The following SIPA1L1 variants were observed in gnomAD, a reference collection of about 807,000 sequenced individuals.
The protein encoded by SIPA1L1 is signal-induced proliferation-associated 1-like protein 1.
In SIPA1L1, 26 loss-of-function variants were observed where a neutral mutation model predicts 162.7. That is an observed-to-expected ratio of 0.16 (90% CI 0.12 to 0.22). The LOEUF (loss-of-function observed/expected upper bound fraction) is 0.22, where lower values mean the gene tolerates loss of function less well. SIPA1L1 is among the 10% of genes least tolerant of loss of function. The pLI, the probability that SIPA1L1 is intolerant of heterozygous loss-of-function variation, is 1.00. For missense variants in SIPA1L1, 1,874 were observed against 2,241.0 expected (o/e 0.84, Z 3.31); for synonymous variants, 829 against 837.4 (o/e 0.99, Z 0.17).
At chr14:71,630,307 C>T (rs140110974) in intron 7 of SIPA1L1, among the ~76,000 whole-genome samples, 4 of 152,228 alleles carry the variant, frequency 2.6e-5, no homozygotes, top group African/African-American at 9.6e-5. Context: ...TAGTGATCAC[C>T]CTGTGCTGGC....
chr14:71,376,694 T>A (rs2039402215), intron 2 of SIPA1L1, among the ~76,000 whole-genome samples: 2 of 152,056 alleles, frequency 1.3e-5, no homozygotes, highest in Non-Finnish European at 2.9e-5. Context: ...CTGGTTTTCC[T>A]AGGCAGAGGA....
At chr14:71,483,210 C>T (rs990475343) in intron 2 of SIPA1L1, among the ~76,000 whole-genome samples, 2 of 152,176 alleles carry the variant, frequency 1.3e-5, no homozygotes, top group Non-Finnish European at 2.9e-5. Context: ...AGTTTACCCA[C>T]ACCATGCAGA....
intron 2 of SIPA1L1, among the ~76,000 whole-genome samples, chr14:71,342,266 A>G (rs2035736146): frequency 6.6e-6 from 1 of 152,018 alleles, no homozygotes; most frequent in Non-Finnish European, 1.5e-5. Context: ...TTTGGGGGCC[A>G]TTTTTTGTCC....
Position 71,724,645 on chromosome 14 carries a change from A to G in SIPA1L1, c.4449-25A>G, listed in dbSNP as rs200279832. 8 of 1,602,836 alleles carry G rather than the reference A, an allele frequency of 5.0e-6. 1 individual carries two copies. Among genetic ancestry groups the G allele is most frequent in the Admixed American group, 3.5e-5 (2 of 57,668 alleles). ...AGCCAGCCTTGTTGAGTTGGTATCT[A>G]TCATCTCTTCCCTTTTTTGTCCAGG... On this transcript the variant is annotated intron_variant, in intron 18 of 23. Coordinates refer to ENST00000381232, the MANE Select transcript of SIPA1L1 (RefSeq NM_001386936.1).
intron 4 of SIPA1L1, chr14:71,573,474 C>G: frequency 2.3e-6 from 1 of 440,772 alleles, no homozygotes. Context: ...GTTTGATTGT[C>G]TTTTGGGAAC....
At chr14:71,651,131 C>T (rs773887569) in intron 8 of SIPA1L1, among the ~76,000 whole-genome samples, 1 of 152,158 alleles carries the variant, frequency 6.6e-6, no homozygotes, top group Non-Finnish European at 1.5e-5. Flanking sequence ...TGTCCAGTCC[C>T]CAAGTTGTCA....
chr14:71,673,589 A>G (rs767452478), intron 12 of SIPA1L1, among the ~76,000 whole-genome samples: 5 of 151,606 alleles, frequency 3.3e-5, no homozygotes, highest in African/African-American at 4.8e-5. Flanking sequence ...GCAAATATAT[A>G]TGTGTGTGTG....
chr14:71,423,482 C>T (rs2043335974), intron 2 of SIPA1L1, among the ~76,000 whole-genome samples: 1 of 152,074 alleles, frequency 6.6e-6, no homozygotes, highest in Non-Finnish European at 1.5e-5. Flanking sequence ...GTTTTTCATT[C>T]ATTTGAGTTA....
intron 3 of SIPA1L1, among the ~76,000 whole-genome samples, chr14:71,513,584 C>T (rs989943877): frequency 2.6e-5 from 4 of 151,950 alleles, no homozygotes; most frequent in Admixed American, 1.3e-4. Context: ...AATTCGTGGG[C>T]TTAAGGGATT....
intron 2 of SIPA1L1, among the ~76,000 whole-genome samples, chr14:71,439,936 A>G (rs1595470699): frequency 6.6e-6 from 1 of 152,192 alleles, no homozygotes; most frequent in African/African-American, 2.4e-5. Flanking sequence ...CTATTAACTC[A>G]TTTAATTCCT....
chr14:71,509,060 C>T (rs1041174790), intron 2 of SIPA1L1, among the ~76,000 whole-genome samples: 4 of 152,132 alleles, frequency 2.6e-5, no homozygotes, highest in African/African-American at 9.7e-5. Flanking sequence ...GTTAGTTATT[C>T]CTGGATTCTG....
At chr14:71,464,544 G>A (rs1339355795) in intron 2 of SIPA1L1, among the ~76,000 whole-genome samples, 1 of 152,100 alleles carries the variant, frequency 6.6e-6, no homozygotes, top group Non-Finnish European at 1.5e-5. Flanking sequence ...AGGAGGCTAA[G>A]GCAGGAGAAT....
intron 2 of SIPA1L1, among the ~76,000 whole-genome samples, chr14:71,489,471 G>A (rs1464291620): frequency 6.6e-6 from 1 of 152,096 alleles, no homozygotes; most frequent in Admixed American, 6.5e-5. Flanking sequence ...GTTTGACTAG[G>A]AAAGGTTAGA....
chr14:71,738,658 A>G (rs1566773895), intron 23 of SIPA1L1, among the ~76,000 whole-genome samples: 2 of 152,208 alleles, frequency 1.3e-5, no homozygotes, highest in Non-Finnish European at 1.5e-5. Context: ...TTTTGCACCA[A>G]AAGAACTGAA....
chr14:71,590,044 A>AAAT (rs1555468763), intron 5 of SIPA1L1, among the ~76,000 whole-genome samples: 13 of 59,586 alleles, frequency 2.2e-4, no homozygotes, highest in Non-Finnish European at 3.5e-4. Context: ...AAAAAAAAAA[A>AAAT]ATATATATAT....
At chr14:71,364,754 T>G (rs923741718) in intron 2 of SIPA1L1, among the ~76,000 whole-genome samples, 1 of 152,118 alleles carries the variant, frequency 6.6e-6, no homozygotes, top group African/African-American at 2.4e-5. Context: ...ATCAATTTTT[T>G]TTTTTTTTTG....
At chr14:71,684,966 G>T (rs907639053) in intron 12 of SIPA1L1, among the ~76,000 whole-genome samples, 3 of 151,500 alleles carry the variant, frequency 2.0e-5, no homozygotes, top group Non-Finnish European at 4.4e-5. Flanking sequence ...GAACCCAGTT[G>T]TGGTGTGCAG....
chr14:71,462,203 C>T (rs957265288), intron 2 of SIPA1L1, among the ~76,000 whole-genome samples: 1 of 152,194 alleles, frequency 6.6e-6, no homozygotes, highest in African/African-American at 2.4e-5. Context: ...AGAGCTGTCT[C>T]TCAAAAGGAG....
At position 71,443,070 on chromosome 14, in the gene SIPA1L1, G is replaced by A. The variant is rs542413074; in HGVS notation, c.-464-69673G>A. ...ATTGGAATATCATTTAGAAACCTCT[G>A]GACATAATTCATGTTGGAACCAGTT... On this transcript the variant is annotated intron_variant, in intron 2 of 23. Transcript: ENST00000381232. Among the ~76,000 whole-genome samples, 6 of 152,270 alleles carry A rather than the reference G, an allele frequency of 3.9e-5. No individual in the cohort carries two copies. In the South Asian group the frequency reaches 1.2e-3, roughly 32 times the overall value.
Sources: gnomAD v4.1 joint callset for allele counts (sites outside exome capture counted in the v4.1 genomes callset) on GRCh38, gnomAD v4.1.1 for gene constraint, MANE v1.5 for transcripts, NCBI Gene and HGNC (gene_info 2026-07-23, HGNC 2026-07-21) for gene names.